Variants in RIMS2 observed in about 807,000 individuals in gnomAD.
RIMS2 encodes regulating synaptic membrane exocytosis 2, also known as regulating synaptic membrane exocytosis protein 2.
RIMS2 carries 59 observed loss-of-function variants against 174.4 expected under a neutral mutation model. The ratio of observed to expected loss-of-function variants is 0.34; its 90% CI spans 0.27 to 0.42. RIMS2 has a LOEUF of 0.42. RIMS2 is among the 10% of genes least tolerant of loss of function. The pLI is 1.00. For missense variants in RIMS2, 1,620 were observed against 1,666.3 expected (o/e 0.97, Z 0.48); for synonymous variants, 606 against 572.5 (o/e 1.06, Z -0.84).
chr8:104,096,866 G>GC (rs1156406545), intron 19 of RIMS2, among the ~76,000 whole-genome samples: 1 of 139,558 alleles, frequency 7.2e-6, no homozygotes, highest in African/African-American at 2.8e-5. Context: ...GACTCCATCC[G>GC]CCCCCCACCA....
intron 19 of RIMS2, among the ~76,000 whole-genome samples, chr8:104,238,371 T>C (rs184602407): frequency 4.6e-5 from 7 of 151,868 alleles, no homozygotes; most frequent in Admixed American, 4.6e-4. Context: ...ACCTAGATGA[T>C]GGGTTGATAG....
intron 19 of RIMS2, among the ~76,000 whole-genome samples, chr8:104,203,748 C>T (rs568739942): frequency 1.3e-5 from 2 of 152,230 alleles, no homozygotes; most frequent in African/African-American, 4.8e-5. Flanking sequence ...AAGTGATCTA[C>T]CTGCCTTGGC....
intron 1 of RIMS2, among the ~76,000 whole-genome samples, chr8:103,650,348 C>G (rs190285216): frequency 6.6e-6 from 1 of 152,066 alleles, no homozygotes; most frequent in Non-Finnish European, 1.5e-5. Flanking sequence ...CCAAATATGC[C>G]TGTAGGAGGT....
intron 1 of RIMS2, among the ~76,000 whole-genome samples, chr8:103,505,759 T>C (rs1051933197): frequency 6.6e-6 from 1 of 152,208 alleles, no homozygotes; most frequent in Non-Finnish European, 1.5e-5. Flanking sequence ...ACTCAGTGTA[T>C]GGCAATCTTT....
intron 19 of RIMS2, among the ~76,000 whole-genome samples, chr8:104,109,275 C>A (rs530618581): frequency 1.6e-5 from 2 of 128,502 alleles, no homozygotes; most frequent in African/African-American, 6.0e-5. Flanking sequence ...CCAGCCTGGG[C>A]GACAGAGTGA....
chr8:103,772,706 AT>A, intron 3 of RIMS2, among the ~76,000 whole-genome samples: 1 of 152,274 alleles, frequency 6.6e-6, no homozygotes, highest in Non-Finnish European at 1.5e-5. Context: ...ATTTCAACAC[AT>A]TATAAGTCTA....
At chr8:103,996,362 T>C (rs1442571229) in intron 17 of RIMS2, among the ~76,000 whole-genome samples, 2 of 152,008 alleles carry the variant, frequency 1.3e-5, no homozygotes, top group Non-Finnish European at 2.9e-5. Flanking sequence ...GGTATTGTTC[T>C]AGTCTCACAA....
intron 1 of RIMS2, among the ~76,000 whole-genome samples, chr8:103,573,575 C>G (rs1011136846): frequency 6.6e-6 from 1 of 152,086 alleles, no homozygotes; most frequent in African/African-American, 2.4e-5. Context: ...ATGTTGGTCC[C>G]TGTGTCTATT....
intron 19 of RIMS2, among the ~76,000 whole-genome samples, chr8:104,097,950 T>G (rs2097791596): frequency 6.6e-6 from 1 of 152,178 alleles, no homozygotes; most frequent in Non-Finnish European, 1.5e-5. Flanking sequence ...CCTCAGAGTT[T>G]AACATTTATA....
intron 14 of RIMS2, among the ~76,000 whole-genome samples, chr8:103,950,791 A>G (rs1263880901): frequency 6.6e-5 from 10 of 152,228 alleles, no homozygotes; most frequent in Admixed American, 5.9e-4. Flanking sequence ...TCATAAGGCA[A>G]GAAAAATCAA....
At chr8:103,912,806 C>G (rs1595020865) in intron 6 of RIMS2, among the ~76,000 whole-genome samples, 1 of 151,760 alleles carries the variant, frequency 6.6e-6, no homozygotes, top group Non-Finnish European at 1.5e-5. Flanking sequence ...TGTAGTATAA[C>G]CAATTAAAAC....
intron 2 of RIMS2, among the ~76,000 whole-genome samples, chr8:103,742,797 A>C (rs2139400827): frequency 6.6e-6 from 1 of 152,274 alleles, no homozygotes; most frequent in South Asian, 2.1e-4. Flanking sequence ...AGAATCTCTC[A>C]GGGGCTCTCT....
At chr8:103,743,578 T>C (rs1564475379) in intron 2 of RIMS2, among the ~76,000 whole-genome samples, 2 of 152,050 alleles carry the variant, frequency 1.3e-5, no homozygotes, top group Non-Finnish European at 2.9e-5. Context: ...TTACTTATGA[T>C]TTTATTGATA....
At chr8:104,195,511 C>G (rs966752618) in intron 19 of RIMS2, among the ~76,000 whole-genome samples, 5 of 107,968 alleles carry the variant, frequency 4.6e-5, no homozygotes, top group Non-Finnish European at 7.1e-5. Context: ...AAAATTTTAT[C>G]TCCTTTTTTT....
At chr8:104,027,497 T>C (rs1173864135) in intron 19 of RIMS2, among the ~76,000 whole-genome samples, 1 of 152,208 alleles carries the variant, frequency 6.6e-6, no homozygotes, top group African/African-American at 2.4e-5. Flanking sequence ...GGCCATATCA[T>C]TGTTGACTTC....
chr8:104,075,520 G>C (rs989542864), intron 19 of RIMS2, among the ~76,000 whole-genome samples: 9 of 152,194 alleles, frequency 5.9e-5, no homozygotes, highest in Non-Finnish European at 1.2e-4. Context: ...GCCAAGTCAA[G>C]TAATCTTATC....
At chr8:103,678,795 T>A (rs1211874495) in intron 1 of RIMS2, among the ~76,000 whole-genome samples, 3 of 152,084 alleles carry the variant, frequency 2.0e-5, no homozygotes, top group Admixed American at 6.6e-5. Context: ...TCAATTGAAA[T>A]ACCAATCTAT....
Position 103,896,531 on chromosome 8 carries a change from CT to C in RIMS2, c.1624+10310del, listed in dbSNP as rs1343278313. On this transcript the variant is annotated intron_variant, in intron 4 of 23. Transcript: ENST00000504942. The stretch of plus-strand genomic sequence containing the variant: ...TGTGACCAATTTTTCAAGACTTATA[CT>C]TGATTTTTGTGAAGAGAAATAGTCA... Among the ~76,000 whole-genome samples the C allele has an allele frequency of 7.3e-5, 11 of 151,714 alleles. 1 individual carries two copies. The highest frequency in any genetic ancestry group is 2.7e-4 in the African/African-American group (11 of 41,126).
chr8:104,172,499 GA>G (rs1436444737), intron 19 of RIMS2, among the ~76,000 whole-genome samples: 4 of 152,158 alleles, frequency 2.6e-5, no homozygotes, highest in Non-Finnish European at 4.4e-5. Context: ...AAGTTTGTCA[GA>G]ACACGGCCAA....
Sources: gnomAD v4.1 joint callset for allele counts (sites outside exome capture counted in the v4.1 genomes callset) on GRCh38, gnomAD v4.1.1 for gene constraint, MANE v1.5 for transcripts, NCBI Gene and HGNC (gene_info 2026-07-23, HGNC 2026-07-21) for gene names.